Variants in GNB4 observed in about 807,000 individuals in gnomAD.
GNB4 encodes G protein subunit beta 4, also known as guanine nucleotide-binding protein subunit beta-4.
In GNB4, 28 loss-of-function variants were observed where a neutral mutation model predicts 45.2. The observed-to-expected ratio is 0.62, with a 90% CI of 0.46 to 0.85. GNB4 has a LOEUF of 0.85. Among genes scored for constraint, GNB4 ranks in the 40% least tolerant of loss-of-function variants. The pLI is 0.00. For missense variants in GNB4, 321 were observed against 425.4 expected (o/e 0.75, Z 2.16); for synonymous variants, 132 against 143.7 (o/e 0.92, Z 0.58).
intron 8 of GNB4, 124 bp from the exon 9 acceptor site, chr3:179,405,530 G>T: frequency 1.6e-6 from 1 of 623,778 alleles, no homozygotes; most frequent in Non-Finnish European, 2.7e-6. Context: ...GCGATGTTGG[G>T]CACTAAAGAT....
chr3:179,427,051 G>A (rs962762795), intron 1 of GNB4, among the ~76,000 whole-genome samples: 3 of 151,914 alleles, frequency 2.0e-5, no homozygotes, highest in Admixed American at 6.6e-5. Context: ...AGACTTCTCT[G>A]ATGTTCCCTG....
the GNB4 span, among the ~76,000 whole-genome samples, chr3:179,512,757 A>G: frequency 6.6e-6 from 1 of 152,168 alleles, no homozygotes; most frequent in Non-Finnish European, 1.5e-5. Flanking sequence ...ATGAGCATAA[A>G]TATCTATAGC....
chr3:179,411,640 T>C (rs542258335), intron 8 of GNB4, among the ~76,000 whole-genome samples: 11 of 152,316 alleles, frequency 7.2e-5, no homozygotes, highest in Non-Finnish European at 1.6e-4. Flanking sequence ...ATAAAAGTAA[T>C]GGGCTGAGAG....
the GNB4 span, among the ~76,000 whole-genome samples, chr3:179,526,625 C>A: frequency 6.8e-6 from 1 of 146,356 alleles, no homozygotes; most frequent in Non-Finnish European, 1.5e-5. Flanking sequence ...CTATTTTATT[C>A]TCTCTCTAAC....
At chr3:179,476,855 T>C in the GNB4 span, among the ~76,000 whole-genome samples, 1 of 152,336 alleles carries the variant, frequency 6.6e-6, no homozygotes, top group African/African-American at 2.4e-5. Flanking sequence ...CAGCCTGAAG[T>C]TTCTAAAAAA....
intron 9 of GNB4, among the ~76,000 whole-genome samples, chr3:179,404,713 A>G (rs930694210): frequency 6.6e-6 from 1 of 152,138 alleles, no homozygotes; most frequent in Admixed American, 6.6e-5. Context: ...ACTCTGTATG[A>G]CTTGTTATTA....
At chr3:179,420,119 T>C (rs894601039) in intron 3 of GNB4, among the ~76,000 whole-genome samples, 1 of 150,636 alleles carries the variant, frequency 6.6e-6, no homozygotes, top group African/African-American at 2.4e-5. Context: ...TATATATACA[T>C]ACATAAATAT....
the GNB4 span, among the ~76,000 whole-genome samples, chr3:179,527,790 ATGTG>A: frequency 0.038 from 5,429 of 142,344 alleles, 196 homozygotes; most frequent in African/African-American, 0.098. Flanking sequence ...GTGTGTATGT[ATGTG>A]TGTGTGTGTG....
the GNB4 span, among the ~76,000 whole-genome samples, chr3:179,503,957 G>C: frequency 6.6e-6 from 1 of 152,096 alleles, no homozygotes; most frequent in Non-Finnish European, 1.5e-5. Flanking sequence ...ATAAAGCTAG[G>C]TTGAACTAAA....
At chr3:179,433,334 G>A (rs982756218) in intron 1 of GNB4, among the ~76,000 whole-genome samples, 2 of 151,998 alleles carry the variant, frequency 1.3e-5, no homozygotes, top group African/African-American at 4.8e-5. Context: ...ACAGTTCAAT[G>A]ACCAGCTGTA....
At chr3:179,448,539 T>G (rs7618872) in intron 1 of GNB4, among the ~76,000 whole-genome samples, 11,460 of 152,078 alleles carry the variant, frequency 0.075, 676 homozygotes, top group Middle Eastern at 0.26. Flanking sequence ...TGTTGCTGTT[T>G]GTATTGTTTT....
chr3:179,514,245 T>C, the GNB4 span, among the ~76,000 whole-genome samples: 2 of 152,122 alleles, frequency 1.3e-5, no homozygotes, highest in African/African-American at 4.8e-5. Flanking sequence ...GTCAGAGATA[T>C]AGGTATGATG....
At chr3:179,525,588 C>G in the GNB4 span, among the ~76,000 whole-genome samples, 4 of 152,134 alleles carry the variant, frequency 2.6e-5, no homozygotes, top group Non-Finnish European at 5.9e-5. Flanking sequence ...CCGTGGTGAT[C>G]AGACACCAGT....
At chr3:179,401,442 A>G in intron 9 of GNB4, 123 bp from the exon 10 acceptor site, 1 of 440,602 alleles carries the variant, frequency 2.3e-6, no homozygotes. Context: ...TTCATCAGTT[A>G]AAAAATAATA....
chr3:179,502,867 C>A, the GNB4 span, among the ~76,000 whole-genome samples: 1 of 151,972 alleles, frequency 6.6e-6, no homozygotes, highest in South Asian at 2.1e-4. Context: ...AGAGATAGAG[C>A]CTTGCTCTGT....
the GNB4 span, among the ~76,000 whole-genome samples, chr3:179,506,654 T>A: frequency 3.3e-5 from 5 of 152,158 alleles, no homozygotes; most frequent in Non-Finnish European, 7.4e-5. Context: ...GGCTTCAGAA[T>A]TCATTCACAC....
chr3:179,476,658 G>A, the GNB4 span, among the ~76,000 whole-genome samples: 1 of 152,214 alleles, frequency 6.6e-6, no homozygotes, highest in Non-Finnish European at 1.5e-5. Flanking sequence ...TGTCTGCAAT[G>A]TGCTTTGAAA....
the GNB4 span, among the ~76,000 whole-genome samples, chr3:179,463,776 C>A: frequency 6.6e-6 from 1 of 152,172 alleles, no homozygotes; most frequent in Non-Finnish European, 1.5e-5. Context: ...CCTTCCTGGG[C>A]AAATGCTAGT....
chr3:179,492,720 G>T, the GNB4 span, among the ~76,000 whole-genome samples: 8 of 152,196 alleles, frequency 5.3e-5, no homozygotes, highest in East Asian at 1.6e-3. Context: ...GCCATTCTGA[G>T]CACCTCTGCC....
Sources: allele counts gnomAD v4.1 joint callset (sites outside exome capture counted in the v4.1 genomes callset), GRCh38; gene constraint gnomAD v4.1.1; transcripts MANE v1.5; gene names NCBI Gene and HGNC (gene_info 2026-07-23, HGNC 2026-07-21).